NAALADL2: variants seen among roughly 807,000 people sequenced by gnomAD.
NAALADL2 encodes the protein inactive N-acetylated-alpha-linked acidic dipeptidase-like protein 2.
A neutral mutation model predicts 87.2 loss-of-function variants in NAALADL2; 76 were observed. The ratio of observed to expected loss-of-function variants is 0.87; its 90% CI spans 0.72 to 1.05. NAALADL2 has a LOEUF of 1.05. NAALADL2 is among the 50% of genes least tolerant of loss of function. The pLI is 0.00. For synonymous variants in NAALADL2, 354 were observed against 331.0 expected, an observed-to-expected ratio of 1.07 and a Z score of -0.75; for missense variants, 1,089 against 945.8, an observed-to-expected ratio of 1.15 and a Z score of -1.99.
At chr3:175,362,275 T>C (rs560932198) in intron 5 of NAALADL2, among the ~76,000 whole-genome samples, 1 of 148,350 alleles carries the variant, frequency 6.7e-6, no homozygotes, top group South Asian at 2.2e-4. Flanking sequence ...TGTAGCCTTG[T>C]TGTATAGTTT....
intron 5 of NAALADL2, among the ~76,000 whole-genome samples, chr3:175,346,561 T>G (rs1463153273): frequency 6.6e-6 from 1 of 152,176 alleles, no homozygotes; most frequent in Non-Finnish European, 1.5e-5. Context: ...AATTAACCTT[T>G]CTAGTGGGGT....
At chr3:174,929,964 A>G (rs114209007) in intron 1 of NAALADL2, among the ~76,000 whole-genome samples, 3 of 152,306 alleles carry the variant, frequency 2.0e-5, no homozygotes, top group East Asian at 1.9e-4. Flanking sequence ...TATGTACTCA[A>G]TAATAATGAA....
chr3:175,584,634 A>T (rs1425499148), intron 10 of NAALADL2, among the ~76,000 whole-genome samples: 1 of 152,238 alleles, frequency 6.6e-6, no homozygotes, highest in Non-Finnish European at 1.5e-5. Flanking sequence ...AGCCTCCTAG[A>T]CACCTAGGCT....
At chr3:174,526,285 A>G (rs1720740008) in intron 1 of NAALADL2, among the ~76,000 whole-genome samples, 2 of 152,170 alleles carry the variant, frequency 1.3e-5, no homozygotes, top group African/African-American at 4.8e-5. Flanking sequence ...GTAAACAGTC[A>G]TGGCTTTGGC....
chr3:175,774,959 A>G (rs1003750663), intron 13 of NAALADL2: 4 of 152,074 alleles, frequency 2.6e-5, no homozygotes, highest in Non-Finnish European at 5.9e-5. Flanking sequence ...GTTCTACTTT[A>G]TAGTGTTTCT....
intron 6 of NAALADL2, among the ~76,000 whole-genome samples, chr3:175,451,544 G>A (rs570558232): frequency 1.3e-5 from 2 of 152,170 alleles, no homozygotes; most frequent in African/African-American, 4.8e-5. Flanking sequence ...ATCAATCTGA[G>A]CTTGTGGTTA....
At chr3:175,673,197 C>A (rs1185822723) in intron 11 of NAALADL2, among the ~76,000 whole-genome samples, 1 of 152,086 alleles carries the variant, frequency 6.6e-6, no homozygotes, top group African/African-American at 2.4e-5. Flanking sequence ...TAATTTATAT[C>A]CTCTCTTGTG....
At chr3:174,555,326 T>C (rs893748539) in intron 2 of NAALADL2, among the ~76,000 whole-genome samples, 3 of 151,912 alleles carry the variant, frequency 2.0e-5, no homozygotes, top group African/African-American at 7.3e-5. Context: ...TTTGAGAGAG[T>C]CTCACTCTTG....
chr3:174,822,761 A>C lies in NAALADL2; in HGVS notation c.-9+85015A>C, dbSNP rs1429362547. ...TGTACTCAGACAGATGTTCAACCAG[A>C]ATGCAACTATGGGAACTCTGAGGAT... On this transcript the variant is annotated intron_variant, in intron 3 of 3. Coordinates refer to the NAALADL2 transcript ENST00000434257. 2.0e-5 allele frequency among the ~76,000 whole-genome samples: 3 copies of C among 152,186 alleles called. No homozygotes were observed. In the East Asian group the frequency reaches 5.8e-4, roughly 29 times the overall value.
intron 1 of NAALADL2, among the ~76,000 whole-genome samples, chr3:174,958,155 T>G (rs1343152225): frequency 6.6e-6 from 1 of 151,562 alleles, no homozygotes; most frequent in Admixed American, 6.6e-5. Context: ...TCAGTTTCTT[T>G]ATTCCTTTAT....
chr3:174,535,150 C>T (rs537779561), intron 1 of NAALADL2, among the ~76,000 whole-genome samples: 1 of 152,222 alleles, frequency 6.6e-6, no homozygotes, highest in South Asian at 2.1e-4. Context: ...GAAAATTAAC[C>T]ATTGACTAGC....
rs1456556309 is a variant in NAALADL2, at chr3:175,027,180, T to C, written c.44-69610T>C. On this transcript the variant is annotated intron_variant, in intron 1 of 13. Transcript: ENST00000454872. Reference sequence around the variant, plus strand: ...ACTCCTCTAAGAAACATAACCTTCATTTGTTCATTTAATGTATATTGTCTC... The same window carrying C: ...ACTCCTCTAAGAAACATAACCTTCACTTGTTCATTTAATGTATATTGTCTC... Among the ~76,000 whole-genome samples the C allele has an allele frequency of 5.3e-5, 8 of 152,246 alleles. No individual in the cohort carries two copies. The South Asian group carries it at 1.7e-3, about 32-fold the overall frequency.
chr3:175,543,056 T>C (rs1268773841), intron 9 of NAALADL2, among the ~76,000 whole-genome samples: 1 of 152,204 alleles, frequency 6.6e-6, no homozygotes, highest in Non-Finnish European at 1.5e-5. Context: ...ATTTCTTACA[T>C]GAATCCAATT....
At chr3:175,242,920 G>T (rs1056316401) in intron 3 of NAALADL2, among the ~76,000 whole-genome samples, 1 of 152,010 alleles carries the variant, frequency 6.6e-6, no homozygotes, top group Non-Finnish European at 1.5e-5. Flanking sequence ...AATATCTACC[G>T]AATATTAGTG....
chr3:175,362,066 A>T (rs912100274), intron 5 of NAALADL2, among the ~76,000 whole-genome samples: 4 of 148,428 alleles, frequency 2.7e-5, no homozygotes, highest in African/African-American at 9.8e-5. Flanking sequence ...GAAGGGATCC[A>T]GTTTCAGCTT....
chr3:175,651,988 C>T (rs1478691837), intron 11 of NAALADL2, among the ~76,000 whole-genome samples: 5 of 152,058 alleles, frequency 3.3e-5, no homozygotes, highest in African/African-American at 4.8e-5. Context: ...ACATAAAAGC[C>T]GTATTCTTTT....
At chr3:174,605,735 C>CCT (rs891719364) in intron 2 of NAALADL2, among the ~76,000 whole-genome samples, 2 of 151,780 alleles carry the variant, frequency 1.3e-5, no homozygotes, top group Non-Finnish European at 2.9e-5. Context: ...CCTCTGGGGG[C>CCT]AGGGCACAGA....
chr3:175,184,417 GC>G (rs1178192823), intron 2 of NAALADL2, among the ~76,000 whole-genome samples: 3 of 151,994 alleles, frequency 2.0e-5, no homozygotes, highest in African/African-American at 7.2e-5. Context: ...CTCTACTGCA[GC>G]TTTTAGCAGT....
At chr3:175,562,409 G>A (rs910448830) in intron 9 of NAALADL2, among the ~76,000 whole-genome samples, 1 of 151,808 alleles carries the variant, frequency 6.6e-6, no homozygotes, top group African/African-American at 2.4e-5. Flanking sequence ...ATATTATTAT[G>A]TATATATTAT....
Sources: gnomAD v4.1 joint callset for allele counts (sites outside exome capture counted in the v4.1 genomes callset) on GRCh38, gnomAD v4.1.1 for gene constraint, MANE v1.5 for transcripts, NCBI Gene and HGNC (gene_info 2026-07-23, HGNC 2026-07-21) for gene names.